GPRC6A: variants seen among roughly 807,000 people sequenced by gnomAD.
GPRC6A encodes G protein-coupled receptor class C group 6 member A.
A neutral mutation model predicts 47.0 loss-of-function variants in GPRC6A; 54 were observed. The ratio of observed to expected loss-of-function variants is 1.15; its 90% CI spans 0.92 to 1.44. The LOEUF (loss-of-function observed/expected upper bound fraction) is 1.44, where lower values mean the gene tolerates loss of function less well. GPRC6A is among the 40% of genes most tolerant of loss of function. The probability of loss-of-function intolerance (pLI) is 0.00; values close to 1 mark genes in which losing one functional copy is unlikely to be tolerated. For missense variants in GPRC6A, 1,112 were observed against 1,105.5 expected (o/e 1.01, Z -0.08); for synonymous variants, 347 against 377.1 (o/e 0.92, Z 0.93).
At position 116,792,745 on chromosome 6, in the gene GPRC6A, T is replaced by C. The variant is rs1378541771; in HGVS notation, c.2178A>G (p.Ala726=). 1.2e-6 allele frequency: 2 copies of C among 1,613,872 alleles called. No homozygotes were observed. Among genetic ancestry groups the C allele is most frequent in the South Asian group, 1.1e-5 (1 of 91,072 alleles). Residue 726 remains alanine, a synonymous_variant, in exon 6 of 6, where the codon GCA becomes GCG. Coordinates refer to ENST00000310357, the MANE Select transcript of GPRC6A (RefSeq NM_148963.4). The part of the protein sequence containing the change: ...VVICTLWLIF[A]APTVEVNVSL... ...AGACATTCACCTCTACAGTAGGTGC[T>C]GCAAAGATTAGCCAGAGTGTGCAAA...
At position 116,792,901 on chromosome 6, in the gene GPRC6A, G is replaced by A. The variant is rs1420883680; in HGVS notation, c.2022C>T (p.Ile674=). ...TCAGAGACTTCGTCAAAATGCAGGA[G>A]ATGCAAAGAGTAAAGCTCACTCCAA... ...TMFGVSFTLC[I]SCILTKSLKI... Residue 674 remains isoleucine, a synonymous_variant, in exon 6 of 6, where the codon ATC becomes ATT. Transcript: ENST00000310357. 5 of 1,614,108 alleles carry A rather than the reference G, an allele frequency of 3.1e-6. No homozygotes were observed. The highest frequency in any genetic ancestry group is 4.2e-6 in the Non-Finnish European group (5 of 1,179,984).
intron 1 of GPRC6A, among the ~76,000 whole-genome samples, chr6:116,818,915 A>G (rs1773350191): frequency 6.6e-6 from 1 of 152,198 alleles, no homozygotes. Context: ...AGACTGGCAG[A>G]TTGGATAAAG....
Position 116,793,057 on chromosome 6 carries a change from A to C in GPRC6A, c.1866T>G (p.Pro622=). The C allele has an allele frequency of 6.2e-7, 1 of 1,613,888 alleles. No homozygotes were observed. The highest frequency in any genetic ancestry group is 8.5e-7 in the Non-Finnish European group (1 of 1,179,818). Residue 622 remains proline (P), a synonymous_variant, in exon 6 of 6, where the codon CCT becomes CCG. Coordinates refer to ENST00000310357, the MANE Select transcript of GPRC6A (RefSeq NM_148963.4). ...GIIFTRNLNT[P]VVKSSGGLRV... ...TTAATCCCCCGGATGATTTCACAAC[A>C]GGTGTGTTCAGGTTTCTTGTAAATA...
chr6:116,801,539 A>G (rs1467068355), intron 3 of GPRC6A, among the ~76,000 whole-genome samples: 1 of 152,112 alleles, frequency 6.6e-6, no homozygotes, highest in African/African-American at 2.4e-5. Context: ...ATCTAAATCT[A>G]TGGTTCTGTG....
At chr6:116,796,758 C>T (rs1235229307) in intron 4 of GPRC6A, among the ~76,000 whole-genome samples, 1 of 152,150 alleles carries the variant, frequency 6.6e-6, no homozygotes, top group Non-Finnish European at 1.5e-5. Flanking sequence ...TTCTTCTTCT[C>T]TCCAGTTATT....
Position 116,793,080 on chromosome 6 carries a change from ATAT to A in GPRC6A, c.1840_1842del (p.Ile614del), listed in dbSNP as rs1772367647. 1.2e-6 allele frequency: 2 copies of A among 1,613,866 alleles called. No individual in the cohort carries two copies. The highest frequency in any genetic ancestry group is 2.7e-5 in the African/African-American group (2 of 74,916). Reference sequence around the variant, plus strand: ...ACAGGTGTGTTCAGGTTTCTTGTAAATATTATGCCAACAACCAGAACAAATATG... The same window carrying A: ...ACAGGTGTGTTCAGGTTTCTTGTAAATATGCCAACAACCAGAACAAATATG... On this transcript the variant is annotated inframe_deletion, in exon 6 of 6. Transcript: ENST00000310357.
Position 116,792,766 on chromosome 6 carries a change from G to T in GPRC6A, c.2157C>A (p.Cys719Ter), listed in dbSNP as rs758755067. The T allele has an allele frequency of 6.2e-7, 1 of 1,613,970 alleles. No individual in the cohort carries two copies. ...FTCTGIQVVI[C>*]TLWLIFAAPT... ...GTGCTGCAAAGATTAGCCAGAGTGT[G>T]CAAATGACAACCTGGATGCCCGTGC... Residue 719 changes from cysteine (C) to a stop codon, truncating the protein, a stop_gained, in exon 6 of 6, where the codon TGC (cysteine) becomes TGA (stop). Transcript: ENST00000310357. LOFTEE classifies it low-confidence loss of function (END_TRUNC).
chr6:116,809,253 T>G (rs1012547044), intron 2 of GPRC6A, 61 bp downstream of exon 2: 10 of 1,397,008 alleles, frequency 7.2e-6, no homozygotes, highest in Non-Finnish European at 9.9e-6. Flanking sequence ...CAGGTTTCCC[T>G]GATCCTTTCA....
chr6:116,809,255 A>G, intron 2 of GPRC6A, 59 bp downstream of exon 2: 1 of 1,406,034 alleles, frequency 7.1e-7, no homozygotes, highest in East Asian at 2.3e-5. Flanking sequence ...GGTTTCCCTG[A>G]TCCTTTCATA....
chr6:116,801,324 C>A (rs1008754851), intron 3 of GPRC6A, among the ~76,000 whole-genome samples: 7 of 152,108 alleles, frequency 4.6e-5, no homozygotes, highest in African/African-American at 1.7e-4. Flanking sequence ...CTAATTTGCA[C>A]AGTGAGAGCT....
rs1772856294 is a variant in GPRC6A at position 116,806,789 on chromosome 6, A to G, written c.916T>C (p.Ser306Pro). ...NKMWIASDNW[S>P]TATKITTIPN... ...ATGGTGGTAATCTTGGTGGCAGTTG[A>G]CCAATTATCACTAGCAATCCACATC... The change falls in exon 3 of 6, where the codon TCA (serine) becomes CCA (proline). Residue 306 changes from serine to proline, a missense_variant. Ser to Pro is a moderately conservative substitution (Grantham distance 74, BLOSUM62 -1). Transcript: ENST00000310357. 2 of 1,613,554 alleles carry G rather than the reference A, an allele frequency of 1.2e-6. No individual in the cohort carries two copies. Among genetic ancestry groups the G allele is most frequent in the Non-Finnish European group, 1.7e-6 (2 of 1,179,750 alleles).
chr6:116,824,019 AT>A (rs1773594208), intron 1 of GPRC6A, among the ~76,000 whole-genome samples: 1 of 152,158 alleles, frequency 6.6e-6, no homozygotes. Context: ...ATTAGGGATT[AT>A]AATTTGATAT....
rs777957366 is a variant in GPRC6A, at chr6:116,806,934, T to G, written c.771A>C (p.Arg257Ser). The G allele has an allele frequency of 1.1e-5, 18 of 1,613,656 alleles. No individual in the cohort carries two copies. In the East Asian group the frequency reaches 3.8e-4, roughly 34 times the overall value. ...TGATTTTCTTCAGTGTCCGATTGAT[T>G]CTGACTTCAATGGTATTATCTGAAA... ...AFLSDNTIEV[R>S]INRTLKKIIL... The change falls in exon 3 of 6, where the codon AGA (arginine) becomes AGC (serine). Residue 257 changes from arginine to serine, a missense_variant. Transcript: ENST00000310357.
At chr6:116,803,560 A>G (rs1772743798) in intron 3 of GPRC6A, among the ~76,000 whole-genome samples, 1 of 152,124 alleles carries the variant, frequency 6.6e-6, no homozygotes, top group South Asian at 2.1e-4. Flanking sequence ...TAAGATTCCC[A>G]GGAAAGTCAA....
intron 4 of GPRC6A, among the ~76,000 whole-genome samples, chr6:116,796,556 A>G (rs971586614): frequency 1.3e-5 from 2 of 152,140 alleles, no homozygotes; most frequent in Non-Finnish European, 2.9e-5. Context: ...CTGCTTTGTC[A>G]TGTCACTTTT....
chr6:116,792,705 T>C lies in GPRC6A; in HGVS notation c.2218A>G (p.Ile740Val). Residue 740 changes from isoleucine (I) to valine (V), a missense_variant, in exon 6 of 6, where the codon ATC becomes GTC. Physicochemically the swap from Ile to Val is conservative, Grantham distance 29 (BLOSUM62 3). Transcript: ENST00000310357. ...VEVNVSLPRV[I>V]ILECEEGSIL... ...GATCCCTCCTCACACTCCAGGATGA[T>C]GACTCTGGGCAAGGAGACATTCACC... 2 of 1,613,014 alleles carry C rather than the reference T, an allele frequency of 1.2e-6. No individual in the cohort carries two copies. Among genetic ancestry groups the C allele is most frequent in the Non-Finnish European group, 1.7e-6 (2 of 1,179,156 alleles).
chr6:116,828,417 A>G (rs1012606169), intron 1 of GPRC6A, among the ~76,000 whole-genome samples: 9 of 152,116 alleles, frequency 5.9e-5, no homozygotes, highest in African/African-American at 1.9e-4. Flanking sequence ...AAAAAATTCA[A>G]CTATAGTCTA....
intron 3 of GPRC6A, among the ~76,000 whole-genome samples, chr6:116,804,552 C>T (rs1314442921): frequency 6.6e-6 from 1 of 152,092 alleles, no homozygotes. Flanking sequence ...GTGGCTCACT[C>T]ACGTCTTGAT....
At position 116,795,782 on chromosome 6, in the gene GPRC6A, A is replaced by C; in HGVS notation, c.1602T>G (p.Thr534=). The change falls in exon 5 of 6, where the codon ACT becomes ACG. Residue 534 remains threonine (T), a synonymous_variant. Transcript: ENST00000310357. ...AGCAACAGATGTGTTGACTTCTTGT[A>C]GTTTTCTTCATTTGCCCAGGACTGC... is the stretch of plus-strand genomic sequence containing the variant. ...KECSPGQMKK[T]TRSQHICCYE... The C allele has an allele frequency of 6.2e-7, 1 of 1,609,042 alleles. No homozygotes were observed.
Sources: gnomAD v4.1 joint callset for allele counts (sites outside exome capture counted in the v4.1 genomes callset) on GRCh38, gnomAD v4.1.1 for gene constraint, MANE v1.5 for transcripts, NCBI Gene and HGNC (gene_info 2026-07-23, HGNC 2026-07-21) for gene names.